TNFRSF19: variants seen among roughly 807,000 people sequenced by gnomAD.
TNFRSF19 encodes tumor necrosis factor receptor superfamily member 19.
A neutral mutation model predicts 46.4 loss-of-function variants in TNFRSF19; 27 were observed. The observed-to-expected ratio is 0.58, with a 90% CI of 0.43 to 0.80. The LOEUF (loss-of-function observed/expected upper bound fraction) is 0.80, where lower values mean the gene tolerates loss of function less well. TNFRSF19 is among the 30% of genes least tolerant of loss of function. The probability of loss-of-function intolerance (pLI) is 0.00; values close to 1 mark genes in which losing one functional copy is unlikely to be tolerated. For synonymous variants in TNFRSF19, 204 were observed against 205.0 expected (o/e 1.00, Z 0.04); for missense variants, 511 against 530.8 (o/e 0.96, Z 0.37).
intron 7 of TNFRSF19, among the ~76,000 whole-genome samples, chr13:23,662,387 G>C (rs1884426398): frequency 6.6e-6 from 1 of 152,106 alleles, no homozygotes; most frequent in African/African-American, 2.4e-5. Context: ...TGGTCTATGT[G>C]CCTGTTTTTG....
intron 8 of TNFRSF19, 56 bp from the exon 9 acceptor site, chr13:23,668,636 G>A (rs1951691556): frequency 1.3e-6 from 2 of 1,543,150 alleles, no homozygotes; most frequent in East Asian, 2.3e-5. Context: ...ATGCTTCTTT[G>A]TAGTAGTGTT....
chr13:23,645,391 G>A (rs1047016423), intron 5 of TNFRSF19, among the ~76,000 whole-genome samples: 1 of 151,932 alleles, frequency 6.6e-6, no homozygotes, highest in Non-Finnish European at 1.5e-5. Flanking sequence ...TAGTAGAGAC[G>A]GGTTTTCGCC....
At chr13:23,660,939 C>G (rs938936826) in intron 7 of TNFRSF19, among the ~76,000 whole-genome samples, 1 of 152,136 alleles carries the variant, frequency 6.6e-6, no homozygotes, top group African/African-American at 2.4e-5. Flanking sequence ...AGGTTTTACA[C>G]AAACCATAAT....
intron 7 of TNFRSF19, among the ~76,000 whole-genome samples, chr13:23,666,758 G>T (rs539401714): frequency 3.9e-5 from 6 of 152,248 alleles, no homozygotes; most frequent in Non-Finnish European, 8.8e-5. Flanking sequence ...AGTTCAGCGG[G>T]GTCAGAGCAC....
intron 3 of TNFRSF19, among the ~76,000 whole-genome samples, chr13:23,608,218 T>C (rs997669497): frequency 6.6e-6 from 1 of 152,224 alleles, no homozygotes; most frequent in African/African-American, 2.4e-5. Flanking sequence ...TTGGCCACTT[T>C]TAAAAGATTC....
rs1290637251 is a variant in TNFRSF19 at position 23,626,740 on chromosome 13, A to G, written c.393A>G (p.Gln131=). The G allele has an allele frequency of 6.2e-7, 1 of 1,614,202 alleles. No individual in the cohort carries two copies. Among genetic ancestry groups the G allele is most frequent in the Non-Finnish European group, 8.5e-7 (1 of 1,180,022 alleles). The change falls in exon 5 of 10, where the codon CAA becomes CAG. Residue 131 remains glutamine (Q), a synonymous_variant. Coordinates refer to ENST00000248484, the MANE Select transcript of TNFRSF19 (RefSeq NM_148957.4). ...FYRKTKLVGF[Q]DMECVPCGDP... ...GGAAGACGAAACTTGTCGGCTTTCA[A>G]GACATGGAGTGTGTGCCTTGTGGAG...
chr13:23,636,543 G>T (rs1233427505), intron 5 of TNFRSF19, among the ~76,000 whole-genome samples: 1 of 152,170 alleles, frequency 6.6e-6, no homozygotes, highest in African/African-American at 2.4e-5. Flanking sequence ...AAAACCACAG[G>T]CCAACTTCCC....
intron 1 of TNFRSF19, among the ~76,000 whole-genome samples, chr13:23,575,789 G>C (rs1340472278): frequency 6.6e-6 from 1 of 152,150 alleles, no homozygotes; most frequent in Admixed American, 6.5e-5. Context: ...ATGACTAGAA[G>C]TTAGGCAATT....
chr13:23,593,984 T>A (rs564863998), intron 3 of TNFRSF19, among the ~76,000 whole-genome samples: 1 of 152,282 alleles, frequency 6.6e-6, no homozygotes, highest in East Asian at 1.9e-4. Context: ...TCACTTCACC[T>A]GGGAAGTGCA....
At position 23,669,397 on chromosome 13, in the gene TNFRSF19, G is replaced by A. The variant is rs892237716; in HGVS notation, c.1245+300G>A. On this transcript the variant is annotated intron_variant, in intron 9 of 9. Coordinates refer to ENST00000248484, the MANE Select transcript of TNFRSF19 (RefSeq NM_148957.4). Reference sequence around the variant, plus strand: ...GGTTGAGAGAGGTGAGTCGGGTATGGGAGCATCTTGCAGACAATTCCTGAC... The same window carrying A: ...GGTTGAGAGAGGTGAGTCGGGTATGAGAGCATCTTGCAGACAATTCCTGAC... The A allele has an allele frequency of 3.5e-6, 4 of 1,131,836 alleles. No homozygotes were observed. In the Admixed American group the frequency reaches 1.4e-4, roughly 39 times the overall value. 70.1% of individuals were successfully genotyped at this position (1,131,836 alleles called of 1,614,324 possible).
At chr13:23,591,720 CTTTCTTTCTT>C (rs1566169127) in intron 2 of TNFRSF19, among the ~76,000 whole-genome samples, 6 of 65,744 alleles carry the variant, frequency 9.1e-5, no homozygotes, top group East Asian at 3.1e-4. Context: ...AATTTTCTTT[CTTTCTTTCTT>C]TTTTTTTTTT....
At chr13:23,578,278 A>G (rs1233254344) in intron 1 of TNFRSF19, among the ~76,000 whole-genome samples, 1 of 152,174 alleles carries the variant, frequency 6.6e-6, no homozygotes, top group Non-Finnish European at 1.5e-5. Context: ...GATAACGTAC[A>G]TCATTTGGAA....
chr13:23,626,043 G>A (rs146103093), intron 4 of TNFRSF19, among the ~76,000 whole-genome samples: 93 of 152,116 alleles, frequency 6.1e-4, no homozygotes, highest in African/African-American at 1.9e-3. Flanking sequence ...TCATTTCCAC[G>A]ATCAAGATTT....
intron 3 of TNFRSF19, among the ~76,000 whole-genome samples, chr13:23,603,301 G>A (rs1286764542): frequency 6.6e-6 from 1 of 151,914 alleles, no homozygotes; most frequent in Non-Finnish European, 1.5e-5. Flanking sequence ...GTCTGTATAG[G>A]CCTATATTGA....
intron 1 of TNFRSF19, among the ~76,000 whole-genome samples, chr13:23,585,706 AGCCC>A (rs1331034057): frequency 6.6e-6 from 1 of 152,190 alleles, no homozygotes; most frequent in Non-Finnish European, 1.5e-5. Flanking sequence ...CTTGTCATTA[AGCCC>A]TCAAATCTTA....
chr13:23,607,704 G>A (rs1030055399), intron 3 of TNFRSF19, among the ~76,000 whole-genome samples: 3 of 152,154 alleles, frequency 2.0e-5, no homozygotes, highest in Admixed American at 6.5e-5. Context: ...AACTTTTATT[G>A]TAACATTGTT....
At chr13:23,602,669 G>C in intron 3 of TNFRSF19, among the ~76,000 whole-genome samples, 1 of 152,086 alleles carries the variant, frequency 6.6e-6, no homozygotes, top group East Asian at 1.9e-4. Context: ...TCTGCTGTCA[G>C]ATCACAATGG....
chr13:23,656,830 C>T (rs950200991), intron 5 of TNFRSF19, among the ~76,000 whole-genome samples: 12 of 152,098 alleles, frequency 7.9e-5, no homozygotes, highest in Admixed American at 7.9e-4. Context: ...TTTCAACTTG[C>T]GTGGGATGCA....
chr13:23,649,452 C>T (rs892463420), intron 5 of TNFRSF19, among the ~76,000 whole-genome samples: 1 of 151,730 alleles, frequency 6.6e-6, no homozygotes, highest in Non-Finnish European at 1.5e-5. Flanking sequence ...ACTATTCTCT[C>T]TTATTTACTT....
Sources: gnomAD v4.1 joint callset for allele counts (sites outside exome capture counted in the v4.1 genomes callset) on GRCh38, gnomAD v4.1.1 for gene constraint, MANE v1.5 for transcripts, NCBI Gene and HGNC (gene_info 2026-07-23, HGNC 2026-07-21) for gene names.